Variants in ACOXL observed in about 807,000 individuals in gnomAD.
The protein encoded by ACOXL is acyl-CoA oxidase like, also known as acyl-coenzyme A oxidase-like protein.
A neutral mutation model predicts 71.9 loss-of-function variants in ACOXL; 70 were observed. The ratio of observed to expected loss-of-function variants is 0.97; its 90% CI spans 0.80 to 1.19. The LOEUF is 1.19. Among genes scored for constraint, ACOXL ranks in the 50% most tolerant of loss-of-function variants. ACOXL has a pLI of 0.00. For missense variants in ACOXL, 703 were observed against 736.3 expected, an observed-to-expected ratio of 0.95 and a Z score of 0.52; for synonymous variants, 253 against 281.6, an observed-to-expected ratio of 0.90 and a Z score of 1.02.
chr2:110,839,265 T>G (rs1453055184), intron 9 of ACOXL, among the ~76,000 whole-genome samples: 1 of 152,148 alleles, frequency 6.6e-6, no homozygotes, highest in African/African-American at 2.4e-5. Context: ...GTCAGTAAAA[T>G]TATCTTATAA....
intron 12 of ACOXL, among the ~76,000 whole-genome samples, chr2:110,983,898 G>A (rs2062821999): frequency 6.6e-6 from 1 of 152,022 alleles, no homozygotes; most frequent in African/African-American, 2.4e-5. Context: ...CGCCCAGGCT[G>A]GAGTGCAGTG....
intron 14 of ACOXL, among the ~76,000 whole-genome samples, chr2:111,006,135 T>C (rs1325798723): frequency 6.6e-6 from 1 of 152,230 alleles, no homozygotes; most frequent in African/African-American, 2.4e-5. Flanking sequence ...ATTTTCTTAC[T>C]CCTGTGGCTG....
chr2:111,021,784 CAA>C (rs898755932), intron 14 of ACOXL, among the ~76,000 whole-genome samples: 4 of 151,144 alleles, frequency 2.6e-5, no homozygotes, highest in African/African-American at 4.9e-5. Context: ...ACCCAGGAAA[CAA>C]GAGAGAACAC....
At chr2:110,769,861 A>C (rs1413815789) in intron 2 of ACOXL, among the ~76,000 whole-genome samples, 1 of 150,980 alleles carries the variant, frequency 6.6e-6, no homozygotes, top group East Asian at 1.9e-4. Flanking sequence ...AAAATAAAAA[A>C]CCCCAAAAAC....
intron 14 of ACOXL, among the ~76,000 whole-genome samples, chr2:111,002,055 T>C (rs1286771081): frequency 2.0e-5 from 3 of 152,106 alleles, no homozygotes; most frequent in African/African-American, 4.8e-5. Flanking sequence ...CTGGAAGCCA[T>C]GTCATGAGCA....
At chr2:110,865,867 G>A (rs555685272) in intron 10 of ACOXL, among the ~76,000 whole-genome samples, 186 of 150,770 alleles carry the variant, frequency 1.2e-3, no homozygotes, top group Middle Eastern at 7.0e-3. Flanking sequence ...AAAAGGATTT[G>A]CCTTATTTTT....
At chr2:110,867,962 C>T (rs890359350) in intron 10 of ACOXL, among the ~76,000 whole-genome samples, 1 of 152,124 alleles carries the variant, frequency 6.6e-6, no homozygotes, top group African/African-American at 2.4e-5. Context: ...AGGGTTTAAC[C>T]ATCTTGGCTA....
At chr2:111,057,985 G>A (rs1301457486) in intron 16 of ACOXL, among the ~76,000 whole-genome samples, 1 of 152,342 alleles carries the variant, frequency 6.6e-6, no homozygotes, top group East Asian at 1.9e-4. Context: ...CACGGCTTGC[G>A]GGTGGGGTGT....
intron 1 of ACOXL, among the ~76,000 whole-genome samples, chr2:110,745,885 C>T (rs915351576): frequency 6.6e-6 from 1 of 152,124 alleles, no homozygotes; most frequent in Non-Finnish European, 1.5e-5. Context: ...TGATCTGCAC[C>T]ATAGTCAGGG....
rs1684989707 is a variant in ACOXL at position 110,794,065 on chromosome 2, G to C, written c.247-11G>C. The C allele has an allele frequency of 6.2e-7, 1 of 1,613,882 alleles. No homozygotes were observed. The highest frequency in any genetic ancestry group is 8.5e-7 in the Non-Finnish European group (1 of 1,179,804). On this transcript the variant is annotated splice_polypyrimidine_tract_variant and intron_variant, in intron 4 of 17. Transcript: ENST00000439055. ...CCAGCTAATTCCCTTCTAACATCTGGTAAACTCCAGGAGCAGAAATACACT... is the reference window on the plus strand; with the variant it reads ...CCAGCTAATTCCCTTCTAACATCTGCTAAACTCCAGGAGCAGAAATACACT...
At chr2:111,077,796 C>T (rs1227976006) in intron 16 of ACOXL, among the ~76,000 whole-genome samples, 1 of 152,110 alleles carries the variant, frequency 6.6e-6, no homozygotes, top group Non-Finnish European at 1.5e-5. Flanking sequence ...TGTTTTTCTC[C>T]TAGAGGTAAT....
At chr2:110,791,973 C>T (rs776376549) in intron 3 of ACOXL, among the ~76,000 whole-genome samples, 2 of 152,182 alleles carry the variant, frequency 1.3e-5, no homozygotes, top group Non-Finnish European at 2.9e-5. Flanking sequence ...TTCCCCCAAC[C>T]GGGTCCTCAT....
intron 17 of ACOXL, among the ~76,000 whole-genome samples, chr2:111,096,224 AATTATTATT>A (rs67800488): frequency 1.7e-4 from 24 of 145,266 alleles, no homozygotes; most frequent in African/African-American, 5.3e-4. Flanking sequence ...TTATTTTTAA[AATTATTATT>A]ATTATTATTA....
At chr2:111,030,247 A>G (rs1041231942) in intron 14 of ACOXL, among the ~76,000 whole-genome samples, 6 of 152,176 alleles carry the variant, frequency 3.9e-5, no homozygotes, top group African/African-American at 1.4e-4. Context: ...CAGAACTTCC[A>G]GAAGTGTCTG....
intron 10 of ACOXL, among the ~76,000 whole-genome samples, chr2:110,899,339 C>T (rs1348596859): frequency 2.0e-5 from 3 of 152,218 alleles, no homozygotes; most frequent in Admixed American, 6.5e-5. Context: ...TGACGGGAAC[C>T]TGGAGAATGT....
chr2:110,965,997 A>C (rs2061910670), intron 12 of ACOXL, among the ~76,000 whole-genome samples: 1 of 152,158 alleles, frequency 6.6e-6, no homozygotes, highest in Non-Finnish European at 1.5e-5. Flanking sequence ...GGTGATACCC[A>C]TGCTACACCA....
Position 110,820,440 on chromosome 2 carries a change from AGAG to A in ACOXL, c.753+15052_753+15054del, listed in dbSNP as rs548174543. ...GACAGGAGGGACAGAAAGTCTGAAG[AGAG>A]GAGGAGATACAGAGGAAATTTCAAG... On this transcript the variant is annotated intron_variant, in intron 9 of 17. Coordinates refer to ENST00000439055, the MANE Select transcript of ACOXL (RefSeq NM_001142807.4). 5.0e-3 allele frequency among the ~76,000 whole-genome samples: 758 copies of A among 152,162 alleles called. 4 individuals carry two copies. Among genetic ancestry groups the A allele is most frequent in the Non-Finnish European group, 7.2e-3 (489 of 67,976 alleles).
At chr2:111,017,191 G>C (rs2064492862) in intron 14 of ACOXL, among the ~76,000 whole-genome samples, 1 of 152,220 alleles carries the variant, frequency 6.6e-6, no homozygotes, top group Admixed American at 6.5e-5. Flanking sequence ...TGGAGGTGGT[G>C]GTATTGGGGT....
chr2:110,923,999 G>A (rs2060178283), intron 11 of ACOXL, among the ~76,000 whole-genome samples: 1 of 151,792 alleles, frequency 6.6e-6, no homozygotes. Flanking sequence ...AGACATTGCA[G>A]ATTTGGTTCT....
Sources: allele counts gnomAD v4.1 joint callset (sites outside exome capture counted in the v4.1 genomes callset), GRCh38; gene constraint gnomAD v4.1.1; transcripts MANE v1.5; gene names NCBI Gene and HGNC (gene_info 2026-07-23, HGNC 2026-07-21).